The following SCYL2 variants were observed in gnomAD, a reference collection of about 807,000 sequenced individuals.
SCYL2 encodes the protein SCY1 like pseudokinase 2, also known as SCY1-like protein 2.
A neutral mutation model predicts 100.4 loss-of-function variants in SCYL2; 36 were observed. The ratio of observed to expected loss-of-function variants is 0.36; its 90% CI spans 0.27 to 0.47. SCYL2 has a LOEUF of 0.47. SCYL2 is among the 20% of genes least tolerant of loss of function. The pLI is 1.00. For synonymous variants in SCYL2, 330 were observed against 359.2 expected, an observed-to-expected ratio of 0.92 and a Z score of 0.92; for missense variants, 902 against 1,083.9, an observed-to-expected ratio of 0.83 and a Z score of 2.36.
intron 2 of SCYL2, among the ~76,000 whole-genome samples, chr12:100,288,720 C>G (rs965380685): frequency 6.6e-6 from 1 of 151,478 alleles, no homozygotes; most frequent in Non-Finnish European, 1.5e-5. Flanking sequence ...GGCTGTGGTC[C>G]CAGCTACTCG....
At chr12:100,331,950 G>T (rs1952214579) in intron 13 of SCYL2, among the ~76,000 whole-genome samples, 1 of 152,138 alleles carries the variant, frequency 6.6e-6, no homozygotes, top group Non-Finnish European at 1.5e-5. Context: ...GTTTGAGGGG[G>T]GTTTCTAAGA....
At position 100,283,037 on chromosome 12, in the gene SCYL2, G is replaced by A; in HGVS notation, c.67G>A (p.Val23Ile). ...AGTAACAGCTGATGTCACTAGTGCT[G>A]TAATGGGAAATCCTGTCACTAGAGA... ...TKVTADVTSA[V>I]MGNPVTREFD... Residue 23 changes from valine (V) to isoleucine (I), a missense_variant, in exon 2 of 18, where the codon GTA (valine) becomes ATA (isoleucine). Coordinates refer to ENST00000360820, the MANE Select transcript of SCYL2 (RefSeq NM_017988.6). The A allele has an allele frequency of 1.2e-6, 2 of 1,612,780 alleles. No homozygotes were observed. Among genetic ancestry groups the A allele is most frequent in the Non-Finnish European group, 1.7e-6 (2 of 1,179,016 alleles).
At chr12:100,271,160 A>G (rs1280515604) in intron 1 of SCYL2, among the ~76,000 whole-genome samples, 5 of 151,256 alleles carry the variant, frequency 3.3e-5, no homozygotes, top group African/African-American at 9.7e-5. Flanking sequence ...AAAAACTTCT[A>G]GTAATCTCTG....
rs1027818498 is a variant in SCYL2, at chr12:100,338,952, C to T, written c.2570C>T (p.Ser857Leu). ...QKPKVSMNQLSQQKPNQWLNQ... is the reference protein window; with the variant it reads ...QKPKVSMNQLLQQKPNQWLNQ... ...CCCAAAGTTAGCATGAACCAGTTATCACAACAGAAACCAAATCAGTGGCTT... is the reference window on the plus strand; with the variant it reads ...CCCAAAGTTAGCATGAACCAGTTATTACAACAGAAACCAAATCAGTGGCTT... The change falls in exon 18 of 18, where the codon TCA becomes TTA. Residue 857 changes from serine (S) to leucine (L), a missense_variant. By Grantham distance (145) the Ser-to-Leu change is moderately radical. Coordinates refer to ENST00000360820, the MANE Select transcript of SCYL2 (RefSeq NM_017988.6). The T allele has an allele frequency of 6.2e-7, 1 of 1,614,154 alleles. No homozygotes were observed. Among genetic ancestry groups the T allele is most frequent in the African/African-American group, 1.3e-5 (1 of 75,050 alleles).
rs200182939 is a variant in SCYL2, at chr12:100,288,491, TGTG to T, written c.178-3008_178-3006del. Among the ~76,000 whole-genome samples the T allele has an allele frequency of 4.5e-3, 686 of 152,192 alleles. 7 individuals carry two copies. Among genetic ancestry groups the T allele is most frequent in the South Asian group, 7.7e-3 (37 of 4,826 alleles). On this transcript the variant is annotated intron_variant, in intron 2 of 17. Transcript: ENST00000360820. ...GTGAACTATAGTGTTCCTCTTTACT[TGTG>T]GTGAAACTGCAAGAGCTATTTCATG...
At chr12:100,325,449 A>G (rs982808613) in intron 11 of SCYL2, among the ~76,000 whole-genome samples, 1 of 152,196 alleles carries the variant, frequency 6.6e-6, no homozygotes, top group Non-Finnish European at 1.5e-5. Context: ...TTTATATGTC[A>G]CCTTTTAAGT....
intron 5 of SCYL2, among the ~76,000 whole-genome samples, chr12:100,311,743 C>T (rs1227500563): frequency 6.6e-6 from 1 of 152,128 alleles, no homozygotes; most frequent in East Asian, 1.9e-4. Context: ...TCCAAAGCAC[C>T]TTTTCTTAAT....
chr12:100,314,818 G>C (rs1314353054), intron 8 of SCYL2, among the ~76,000 whole-genome samples: 2 of 152,092 alleles, frequency 1.3e-5, no homozygotes, highest in African/African-American at 2.4e-5. Flanking sequence ...AAATTTAGAA[G>C]GATACTAACT....
In SCYL2 at chr12:100,313,520, T is replaced by C. The variant is rs1213361145; in HGVS notation, c.951T>C (p.Asp317=). 3 of 1,593,122 alleles carry C rather than the reference T, an allele frequency of 1.9e-6. No homozygotes were observed. Among genetic ancestry groups the C allele is most frequent in the Non-Finnish European group, 2.6e-6 (3 of 1,161,820 alleles). ...LLNVTPTVRP[D]ADQMTKIPFF... ...ATGTAACTCCGACTGTAAGACCAGA[T>C]GCAGATCAAATGACAAAGGTGAGTA... The change falls in exon 7 of 18, where the codon GAT becomes GAC. Residue 317 remains aspartate (D), a synonymous_variant. Transcript: ENST00000360820.
rs2096323002 is a variant in SCYL2 at position 100,298,052 on chromosome 12, A to G, written c.357A>G (p.Thr119=). ...EESRDCLAFC[T]EPVFASLANV... Reference sequence around the variant, plus strand: ...ACAGGGATTGCTTGGCATTTTGTACAGAACCAGTTTTTGCCAGTTTAGCCA... The same window carrying G: ...ACAGGGATTGCTTGGCATTTTGTACGGAACCAGTTTTTGCCAGTTTAGCCA... The change falls in exon 4 of 18, where the codon ACA becomes ACG. Residue 119 remains threonine, a synonymous_variant. Transcript: ENST00000360820. 6.2e-7 allele frequency: 1 copy of G among 1,610,772 alleles called. No individual in the cohort carries two copies. The highest frequency in any genetic ancestry group is 2.2e-5 in the East Asian group (1 of 44,640).
Position 100,326,641 on chromosome 12 carries a change from T to C in SCYL2, c.1529T>C (p.Val510Ala). 4 of 1,600,628 alleles carry C rather than the reference T, an allele frequency of 2.5e-6. No homozygotes were observed. Among genetic ancestry groups the C allele is most frequent in the Non-Finnish European group, 3.4e-6 (4 of 1,175,804 alleles). Reference sequence around the variant, plus strand: ...TAATAGGTTCGTGTAAATTCATTAGTGTGCTTAGGAAAGATTTTGGAATAC... The same window carrying C: ...TAATAGGTTCGTGTAAATTCATTAGCGTGCTTAGGAAAGATTTTGGAATAC... ...SSLAVRVNSL[V>A]CLGKILEYLD... is the part of the protein sequence containing the mutation. Residue 510 changes from valine to alanine, a missense_variant, in exon 12 of 18, where the codon GTG becomes GCG. Val to Ala is a moderately conservative substitution (Grantham distance 64). Coordinates refer to ENST00000360820, the MANE Select transcript of SCYL2 (RefSeq NM_017988.6).
At chr12:100,330,389 G>A (rs1159634140) in intron 13 of SCYL2, among the ~76,000 whole-genome samples, 1 of 152,162 alleles carries the variant, frequency 6.6e-6, no homozygotes, top group South Asian at 2.1e-4. Flanking sequence ...GTGTTCTTAT[G>A]TGACTGATTC....
chr12:100,295,664 G>T (rs966220342), intron 3 of SCYL2, among the ~76,000 whole-genome samples: 6 of 152,132 alleles, frequency 3.9e-5, no homozygotes, highest in African/African-American at 1.4e-4. Flanking sequence ...GTCCAGCTCC[G>T]GCTGGGCATG....
intron 3 of SCYL2, among the ~76,000 whole-genome samples, chr12:100,295,654 G>A (rs1007803484): frequency 6.6e-6 from 1 of 152,192 alleles, no homozygotes; most frequent in Non-Finnish European, 1.5e-5. Flanking sequence ...CAGCAGTACA[G>A]TCCAGCTCCG....
At chr12:100,331,976 A>G (rs1952214797) in intron 13 of SCYL2, among the ~76,000 whole-genome samples, 3 of 152,182 alleles carry the variant, frequency 2.0e-5, no homozygotes, top group Admixed American at 1.3e-4. Context: ...CCCAGAATGG[A>G]TGATTCAGTA....
chr12:100,325,841 ATAATATCTCT>A (rs1311543700), intron 11 of SCYL2, among the ~76,000 whole-genome samples: 1 of 152,124 alleles, frequency 6.6e-6, no homozygotes, highest in African/African-American at 2.4e-5. Context: ...TTTTGAATTT[ATAATATCTCT>A]TGTGTTTTAA....
rs2096347616 is a variant in SCYL2 at position 100,315,568 on chromosome 12, T to C, written c.1106T>C (p.Val369Ala). 1 of 1,598,018 alleles carries C rather than the reference T, an allele frequency of 6.3e-7. No homozygotes were observed. Among genetic ancestry groups the C allele is most frequent in the Admixed American group, 1.7e-5 (1 of 58,218 alleles). ...ATTTTTGCCTTTCAGCGTGTCATTG[T>C]GCAGAGAATTTTGCCTTGTTTGACT... ...VLPKLPKRVI[V>A]QRILPCLTSE... Residue 369 changes from valine (V) to alanine (A), a missense_variant, in exon 9 of 18, where the codon GTG (valine) becomes GCG (alanine). By Grantham distance (64) the Val-to-Ala change is moderately conservative. Transcript: ENST00000360820.
chr12:100,293,036 A>G (rs892356682), intron 3 of SCYL2, among the ~76,000 whole-genome samples: 11 of 152,140 alleles, frequency 7.2e-5, no homozygotes, highest in Non-Finnish European at 1.2e-4. Context: ...GGGTCTTGCT[A>G]TATTACTCAG....
intron 1 of SCYL2, among the ~76,000 whole-genome samples, chr12:100,270,869 A>G (rs748369507): frequency 6.6e-6 from 1 of 151,488 alleles, no homozygotes; most frequent in Non-Finnish European, 1.5e-5. Context: ...CTCCCCCTGC[A>G]TTTAGCATGG....
Sources: allele counts gnomAD v4.1 joint callset (sites outside exome capture counted in the v4.1 genomes callset), GRCh38; gene constraint gnomAD v4.1.1; transcripts MANE v1.5; gene names NCBI Gene and HGNC (gene_info 2026-07-23, HGNC 2026-07-21).